BDP1: variants seen among roughly 807,000 people sequenced by gnomAD.
BDP1 encodes BDP1 general transcription factor IIIB subunit, also known as transcription factor TFIIIB component B'' homolog.
Under a neutral mutation model 266.6 loss-of-function variants are expected in BDP1, and 169 were observed. The ratio of observed to expected loss-of-function variants is 0.63; its 90% CI spans 0.56 to 0.72. The LOEUF is 0.72. BDP1 is among the 30% of genes least tolerant of loss of function. The pLI is 0.00. For synonymous variants in BDP1, 1,090 were observed against 1,022.4 expected, an observed-to-expected ratio of 1.07 and a Z score of -1.26; for missense variants, 3,015 against 3,053.8, an observed-to-expected ratio of 0.99 and a Z score of 0.30.
chr5:71,552,687 T>C (rs467880), intron 34 of BDP1, among the ~76,000 whole-genome samples: 43,057 of 138,298 alleles, frequency 0.31, 5,757 homozygotes, highest in Admixed American at 0.47. Flanking sequence ...AGGTGTGGTG[T>C]CGCGCGCCTG....
At chr5:71,527,409 C>A (rs1254172261) in intron 25 of BDP1, among the ~76,000 whole-genome samples, 1 of 152,156 alleles carries the variant, frequency 6.6e-6, no homozygotes, top group Non-Finnish European at 1.5e-5. Flanking sequence ...AAATTCTATA[C>A]CCATTAAACA....
chr5:71,483,886 CAA>C lies in BDP1; in HGVS notation c.1061_1062del (p.Lys354SerfsTer9), dbSNP rs1252543935. The stretch of plus-strand genomic sequence containing the variant: ...AGAAAACAAATGGATGGAGAATAGA[CAA>C]AGCATTCCGTAAGTATTAAGACCTC... Reference protein sequence around the residue: ...EEKTNGWRIDKAFQEKRPFDF... With the variant: ...EEKTNGWRIDXAFQEKRPFDF... On this transcript the variant is annotated frameshift_variant, in exon 8 of 39. Coordinates refer to ENST00000358731, the MANE Select transcript of BDP1 (RefSeq NM_018429.3). LOFTEE classifies it high-confidence loss of function. 2 of 1,609,518 alleles carry C rather than the reference CAA, an allele frequency of 1.2e-6. No individual in the cohort carries two copies.
chr5:71,552,566 C>G (rs1306630613), intron 34 of BDP1, among the ~76,000 whole-genome samples: 2 of 152,262 alleles, frequency 1.3e-5, no homozygotes, highest in African/African-American at 4.8e-5. Flanking sequence ...GTCTGCAATC[C>G]CGGCACGTCG....
chr5:71,482,646 T>C (rs1418249628), intron 7 of BDP1, among the ~76,000 whole-genome samples: 2 of 152,200 alleles, frequency 1.3e-5, no homozygotes, highest in Non-Finnish European at 2.9e-5. Context: ...ATATTACCAA[T>C]TAAGTAAAAT....
chr5:71,552,348 C>G (rs1235819369), intron 34 of BDP1, among the ~76,000 whole-genome samples: 1 of 151,038 alleles, frequency 6.6e-6, no homozygotes, highest in East Asian at 2.0e-4. Flanking sequence ...GGATGGCCGC[C>G]GGGCAGAGAC....
rs1764310142 is a variant in BDP1, at chr5:71,502,471, G to C, written c.2049-128G>C. The C allele has an allele frequency of 6.9e-6, 6 of 870,586 alleles. No individual in the cohort carries two copies. In the South Asian group the frequency reaches 1.2e-4, roughly 18 times the overall value. The allele number at this position is 870,586 out of a possible 1,614,324, so 53.9% of individuals were successfully genotyped here. ...TTACAGGTGCGAGCCACTGCGCCCGGGCGGATTATGTCTTTTCAGGAAACT... is the reference window on the plus strand; with the variant it reads ...TTACAGGTGCGAGCCACTGCGCCCGCGCGGATTATGTCTTTTCAGGAAACT... On this transcript the variant is annotated intron_variant, in intron 14 of 38. Coordinates refer to ENST00000358731, the MANE Select transcript of BDP1 (RefSeq NM_018429.3).
In BDP1 at chr5:71,489,678, CAA is replaced by C; in HGVS notation, c.1489_1490del (p.Lys497GlufsTer2). 6.2e-7 allele frequency: 1 copy of C among 1,601,424 alleles called. No individual in the cohort carries two copies. Among genetic ancestry groups the C allele is most frequent in the Non-Finnish European group, 8.5e-7 (1 of 1,176,450 alleles). On this transcript the variant is annotated frameshift_variant and splice_region_variant, in exon 10 of 39. Coordinates refer to ENST00000358731, the MANE Select transcript of BDP1 (RefSeq NM_018429.3). LOFTEE classifies it high-confidence loss of function. ...QAGPSKGEKH[K>X]NKCQAIRPEL... Reference sequence around the variant, plus strand: ...CGGGTCCTTCTAAAGGAGAAAAACACAAGAGTAAGTTTCTTACATATTTAAAA... The same window carrying C: ...CGGGTCCTTCTAAAGGAGAAAAACACGAGTAAGTTTCTTACATATTTAAAA...
At chr5:71,492,829 T>C (rs960763564) in intron 11 of BDP1, among the ~76,000 whole-genome samples, 3 of 152,250 alleles carry the variant, frequency 2.0e-5, no homozygotes, top group Non-Finnish European at 4.4e-5. Flanking sequence ...TAAAGCTGTT[T>C]ACTATTTTTA....
At position 71,567,211 on chromosome 5, in the gene BDP1, T is replaced by C. The variant is rs1744086034; in HGVS notation, c.*2326T>C. 6.6e-6 allele frequency: 1 copy of C among 152,226 alleles called. No individual in the cohort carries two copies. The highest frequency in any genetic ancestry group is 2.4e-5 in the African/African-American group (1 of 41,446). 9.4% of individuals were successfully genotyped at this position (152,226 alleles called of 1,614,324 possible). A position where few individuals can be genotyped will look rare whatever the true frequency, so the allele number is the denominator to read the frequency against. ...CTTAGTGTTAGCTTGGGAGTTAGATTGCCATGATTAAACTATTATTTATCC... is the reference window on the plus strand; with the variant it reads ...CTTAGTGTTAGCTTGGGAGTTAGATCGCCATGATTAAACTATTATTTATCC... On this transcript the variant is annotated 3_prime_UTR_variant, in exon 39 of 39. Transcript: ENST00000358731.
intron 34 of BDP1, among the ~76,000 whole-genome samples, chr5:71,550,376 GAAA>G (rs1362798455): frequency 6.8e-6 from 1 of 146,070 alleles, no homozygotes; most frequent in Non-Finnish European, 1.5e-5. Flanking sequence ...ATAGAGTGAG[GAAA>G]AAAAAAAAAA....
At chr5:71,548,482 G>A (rs1742493979) in intron 32 of BDP1, among the ~76,000 whole-genome samples, 200 bp from the exon 33 acceptor site, 1 of 152,186 alleles carries the variant, frequency 6.6e-6, no homozygotes, top group Admixed American at 6.5e-5. Flanking sequence ...ATTTAACAAT[G>A]TAGTCAGGAT....
chr5:71,478,000 G>C (rs954747918), intron 7 of BDP1, among the ~76,000 whole-genome samples: 2 of 152,044 alleles, frequency 1.3e-5, no homozygotes, highest in Non-Finnish European at 2.9e-5. Context: ...CCTGTAATCC[G>C]AGCACTTTGG....
rs1022963577 is a variant in BDP1 at position 71,495,805 on chromosome 5, A to G, written c.1799+397A>G. On this transcript the variant is annotated intron_variant, in intron 12 of 38. Coordinates refer to ENST00000358731, the MANE Select transcript of BDP1 (RefSeq NM_018429.3). ...ATTTCAAGGAAGTATATCTTCCAGT[A>G]TGCAGATACTGGTTAAATTAGTATC... Among the ~76,000 whole-genome samples, 14 of 152,202 alleles carry G rather than the reference A, an allele frequency of 9.2e-5. No individual in the cohort carries two copies. The East Asian group carries it at 1.7e-3, about 19-fold the overall frequency.
intron 28 of BDP1, 147 bp downstream of exon 28, chr5:71,539,796 GATCC>G: frequency 1.8e-6 from 1 of 549,076 alleles, no homozygotes; most frequent in Non-Finnish European, 3.2e-6. Flanking sequence ...TGTATGTATT[GATCC>G]ATCCACTATT....
intron 16 of BDP1, among the ~76,000 whole-genome samples, chr5:71,509,058 A>G (rs182039923): frequency 2.0e-5 from 3 of 152,316 alleles, no homozygotes; most frequent in Admixed American, 2.0e-4. Context: ...GGTCAGGTCT[A>G]TTATGGCAAA....
At chr5:71,490,224 A>G (rs949287734) in intron 10 of BDP1, among the ~76,000 whole-genome samples, 2 of 152,222 alleles carry the variant, frequency 1.3e-5, no homozygotes, top group Non-Finnish European at 2.9e-5. Context: ...TTTAAAGCTG[A>G]TAACCAAGGA....
In BDP1 at chr5:71,464,715, G is replaced by GTTTTTT. The variant is rs567761591; in HGVS notation, c.659+615_659+620dup. Among the ~76,000 whole-genome samples the GTTTTTT allele has an allele frequency of 6.2e-4, 55 of 88,088 alleles. 1 individual carries two copies. The highest frequency in any genetic ancestry group is 1.0e-3 in the Admixed American group (6 of 6,016). The allele number at this position is 88,088 out of a possible 152,430, so 57.8% of individuals were successfully genotyped here. ...CCACCACGGTTGGCTAAATTTTTTA[G>GTTTTTT]TTTTTTTTTTTTTTTTTTTTTTGAG... is the stretch of plus-strand genomic sequence containing the variant. On this transcript the variant is annotated intron_variant, in intron 4 of 38. Transcript: ENST00000358731.
intron 26 of BDP1, among the ~76,000 whole-genome samples, chr5:71,535,800 C>T (rs1158652632): frequency 6.6e-6 from 1 of 152,134 alleles, no homozygotes; most frequent in Admixed American, 6.5e-5. Context: ...TCCATTACCA[C>T]ATGGCATTTT....
chr5:71,495,259 A>G lies in BDP1; in HGVS notation c.1650A>G (p.Gln550=), dbSNP rs761544792. 3.2e-6 allele frequency: 5 copies of G among 1,552,754 alleles called. No homozygotes were observed. The highest frequency in any genetic ancestry group is 1.3e-5 in the South Asian group (1 of 75,578). The stretch of plus-strand genomic sequence containing the variant: ...ATTTTCTTTTTTTTAGTAATCAACA[A>G]GATGCCACATCAGTAGCAACTGAGT... ...TDPILSLSNQ[Q]DATSVATESS... The change falls in exon 12 of 39, where the codon CAA becomes CAG. Residue 550 remains glutamine, a synonymous_variant. Transcript: ENST00000358731.
Sources: allele counts gnomAD v4.1 joint callset (sites outside exome capture counted in the v4.1 genomes callset), GRCh38; gene constraint gnomAD v4.1.1; transcripts MANE v1.5; gene names NCBI Gene and HGNC (gene_info 2026-07-23, HGNC 2026-07-21).